ZNF680: variants seen among roughly 807,000 people sequenced by gnomAD.
ZNF680 encodes zinc finger protein 680.
A neutral mutation model predicts 12.1 loss-of-function variants in ZNF680; 6 were observed. That is an observed-to-expected ratio of 0.49 (90% CI 0.27 to 0.98). ZNF680 has a LOEUF of 0.98. ZNF680 is among the 50% of genes least tolerant of loss of function. The pLI is 0.12. For missense variants in ZNF680, 561 were observed against 616.3 expected (o/e 0.91, Z 0.95); for synonymous variants, 170 against 199.3 (o/e 0.85, Z 1.24).
the ZNF680 span, among the ~76,000 whole-genome samples, chr7:64,505,057 AC>A: frequency 6.6e-6 from 1 of 152,170 alleles, no homozygotes; most frequent in African/African-American, 2.4e-5. Flanking sequence ...TCTAAATAAT[AC>A]TCCCTTTGAA....
At chr7:64,513,963 T>C in the ZNF680 span, among the ~76,000 whole-genome samples, 1 of 152,128 alleles carries the variant, frequency 6.6e-6, no homozygotes, top group Admixed American at 6.6e-5. Flanking sequence ...TTTTATGTAA[T>C]AATAAGAGCT....
intron 3 of ZNF680, among the ~76,000 whole-genome samples, chr7:64,531,913 T>C (rs1785905858): frequency 6.6e-6 from 1 of 151,552 alleles, no homozygotes; most frequent in Non-Finnish European, 1.5e-5. Flanking sequence ...CAAATCCAAA[T>C]GCAACAGAAG....
chr7:64,501,595 C>G, the ZNF680 span: 8 of 774,466 alleles, frequency 1.0e-5, no homozygotes, highest in African/African-American at 1.4e-4. Context: ...GATGACTCTG[C>G]TGAGGAGGGG....
the ZNF680 span, among the ~76,000 whole-genome samples, chr7:64,512,448 C>A: frequency 7.2e-6 from 1 of 138,136 alleles, no homozygotes; most frequent in African/African-American, 2.8e-5. Context: ...AGCAAAACTC[C>A]GTCTCCAGCA....
chr7:64,536,005 T>A (rs539822780), intron 3 of ZNF680, among the ~76,000 whole-genome samples: 40 of 152,098 alleles, frequency 2.6e-4, no homozygotes, highest in Non-Finnish European at 5.3e-4. Context: ...AAGATTGATA[T>A]TATATAATGG....
intron 1 of ZNF680, among the ~76,000 whole-genome samples, chr7:64,554,990 C>G (rs1787329604): frequency 6.6e-6 from 1 of 151,578 alleles, no homozygotes; most frequent in African/African-American, 2.4e-5. Context: ...TCAATAAATA[C>G]TAAAAAAATT....
intron 1 of ZNF680, among the ~76,000 whole-genome samples, chr7:64,553,742 C>A (rs1021143102): frequency 7.5e-6 from 1 of 132,602 alleles, no homozygotes; most frequent in Non-Finnish European, 1.7e-5. Flanking sequence ...CGCGCCGCCA[C>A]GCCAGACTGG....
intron 1 of ZNF680, among the ~76,000 whole-genome samples, chr7:64,554,547 A>T (rs1787297541): frequency 6.6e-6 from 1 of 152,212 alleles, no homozygotes; most frequent in South Asian, 2.1e-4. Flanking sequence ...TTTGTCGAAT[A>T]GAAAAGGGGG....
Position 64,521,232 on chromosome 7 carries a change from G to A in ZNF680, c.1522C>T (p.His508Tyr). 2 of 1,613,456 alleles carry A rather than the reference G, an allele frequency of 1.2e-6. No individual in the cohort carries two copies. Among genetic ancestry groups the A allele is most frequent in the Non-Finnish European group, 1.7e-6 (2 of 1,179,556 alleles). The change falls in exon 4 of 4, where the codon CAT becomes TAT. Residue 508 changes from histidine to tyrosine, a missense_variant. Transcript: ENST00000309683. ...AFNRSSHLTR[H>Y]KKIHTGEKLY... ...TTCTCACCAGTATGAATTTTCTTATGTCTAGTAAGGTGTGAGGACCGGTTA... is the reference window on the plus strand; with the variant it reads ...TTCTCACCAGTATGAATTTTCTTATATCTAGTAAGGTGTGAGGACCGGTTA...
chr7:64,521,750 G>A lies in ZNF680; in HGVS notation c.1004C>T (p.Ser335Leu). The A allele has an allele frequency of 6.2e-7, 1 of 1,612,788 alleles. No individual in the cohort carries two copies. Residue 335 changes from serine to leucine, a missense_variant, in exon 4 of 4, where the codon TCA (serine) becomes TTA (leucine). By Grantham distance (145) the Ser-to-Leu change is moderately radical (BLOSUM62 -2). Transcript: ENST00000309683. ...AATTTTCTTATGTTTAGTAAGGTTT[G>A]AAAACTGGTTAAAGTCTTTGCCACA... ...EECGKDFNQF[S>L]NLTKHKKIHT...
In ZNF680 at chr7:64,554,220, G is replaced by C. The variant is rs1335811471; in HGVS notation, c.30+8705C>G. On this transcript the variant is annotated intron_variant, in intron 1 of 3. Coordinates refer to ENST00000309683, the MANE Select transcript of ZNF680 (RefSeq NM_178558.5). ...CCGCCCCGTCTGAGATGTGAAGAGC[G>C]CCTCTGCCCGGCCGCGACCCCGTCT... is the stretch of plus-strand genomic sequence containing the variant. 8.4e-5 allele frequency among the ~76,000 whole-genome samples: 11 copies of C among 131,654 alleles called. 1 individual carries two copies. The South Asian group carries it at 2.5e-3, about 29-fold the overall frequency. 86.4% of individuals were successfully genotyped at this position (131,654 alleles called of 152,430 possible).
rs1367174750 is a variant in ZNF680 at position 64,521,618 on chromosome 7, T to C, written c.1136A>G (p.Lys379Arg). ...AAAAGCTTTGCCGCATTCTTCACAT[T>C]TGTAGGATTTCTCTCCAGTATGAAT... The part of the protein sequence containing the change: ...KKIHTGEKSY[K>R]CEECGKAFIQ... The change falls in exon 4 of 4, where the codon AAA (lysine) becomes AGA (arginine). Residue 379 changes from lysine (K) to arginine (R), a missense_variant. Physicochemically the swap from Lys to Arg is conservative, Grantham distance 26. Coordinates refer to ENST00000309683, the MANE Select transcript of ZNF680 (RefSeq NM_178558.5). 1 of 1,612,292 alleles carries C rather than the reference T, an allele frequency of 6.2e-7. No homozygotes were observed. The highest frequency in any genetic ancestry group is 8.5e-7 in the Non-Finnish European group (1 of 1,179,720).
At chr7:64,547,880 G>A (rs1786867235) in intron 1 of ZNF680, among the ~76,000 whole-genome samples, 1 of 152,158 alleles carries the variant, frequency 6.6e-6, no homozygotes, top group Non-Finnish European at 1.5e-5. Context: ...CTGCTTCTGA[G>A]TTTCAAAGAA....
At chr7:64,500,134 C>T in the ZNF680 span, among the ~76,000 whole-genome samples, 7 of 152,116 alleles carry the variant, frequency 4.6e-5, no homozygotes, top group African/African-American at 1.7e-4. Context: ...TAAACCTGTC[C>T]CTGTTGACTG....
rs1026310122 is a variant in ZNF680 at position 64,535,315 on chromosome 7, T to C, written c.253+8392A>G. Among the ~76,000 whole-genome samples, 4 of 151,036 alleles carry C rather than the reference T, an allele frequency of 2.6e-5. No individual in the cohort carries two copies. The East Asian group carries it at 7.8e-4, about 30-fold the overall frequency. Reference sequence around the variant, plus strand: ...AGAAAGTTGAGGATGCAGTGGGTCATTAATTATCACGCCACTGCAAACCAG... The same window carrying C: ...AGAAAGTTGAGGATGCAGTGGGTCACTAATTATCACGCCACTGCAAACCAG... On this transcript the variant is annotated intron_variant, in intron 3 of 3. Transcript: ENST00000309683.
intron 3 of ZNF680, among the ~76,000 whole-genome samples, chr7:64,529,520 T>C (rs1029947926): frequency 6.6e-6 from 1 of 151,990 alleles, no homozygotes; most frequent in Non-Finnish European, 1.5e-5. Flanking sequence ...GTCTCAGCAA[T>C]AGAATTGAAT....
At chr7:64,550,122 T>C (rs990358463) in intron 1 of ZNF680, among the ~76,000 whole-genome samples, 1 of 152,210 alleles carries the variant, frequency 6.6e-6, no homozygotes. Flanking sequence ...CAGTTACAAG[T>C]GGATTTGTAA....
At chr7:64,516,646 GC>G (rs1383129641), downstream of ZNF680, among the ~76,000 whole-genome samples, 2 of 152,052 alleles carry the variant, frequency 1.3e-5, no homozygotes, top group Non-Finnish European at 2.9e-5. Flanking sequence ...GAACATTCTA[GC>G]CAAAAACCAC....
chr7:64,550,828 G>A (rs1787035304), intron 1 of ZNF680, among the ~76,000 whole-genome samples: 1 of 151,276 alleles, frequency 6.6e-6, no homozygotes, highest in Non-Finnish European at 1.5e-5. Context: ...AGCCTAAGAG[G>A]GAAAGGCCCC....
Sources: gnomAD v4.1 joint callset for allele counts (sites outside exome capture counted in the v4.1 genomes callset) on GRCh38, gnomAD v4.1.1 for gene constraint, MANE v1.5 for transcripts, NCBI Gene and HGNC (gene_info 2026-07-23, HGNC 2026-07-21) for gene names.